The following KCNN2 variants were observed in gnomAD, a reference collection of about 807,000 sequenced individuals.
KCNN2 encodes small conductance calcium-activated potassium channel protein 2.
A neutral mutation model predicts 55.5 loss-of-function variants in KCNN2; 24 were observed. The ratio of observed to expected loss-of-function variants is 0.43; its 90% CI spans 0.31 to 0.61. The LOEUF (loss-of-function observed/expected upper bound fraction) is 0.61. KCNN2 is among the 20% of genes least tolerant of loss of function. KCNN2 has a pLI of 0.08. For missense variants in KCNN2, 754 were observed against 853.6 expected, an observed-to-expected ratio of 0.88 and a Z score of 1.45; for synonymous variants, 431 against 336.1, an observed-to-expected ratio of 1.28 and a Z score of -3.09.
At chr5:114,108,581 T>C (rs1361996660) in intron 1 of KCNN2, among the ~76,000 whole-genome samples, 1 of 152,114 alleles carries the variant, frequency 6.6e-6, no homozygotes, top group East Asian at 1.9e-4. Context: ...GTTTTTCCTT[T>C]TCCTGAACTT....
intron 2 of KCNN2, among the ~76,000 whole-genome samples, chr5:114,387,214 A>G (rs1486471824): frequency 1.3e-5 from 2 of 152,242 alleles, no homozygotes; most frequent in African/African-American, 4.8e-5. Context: ...AGGTCTTACC[A>G]TGTGGGTATT....
chr5:114,173,721 C>T (rs998470462), intron 1 of KCNN2, among the ~76,000 whole-genome samples: 2 of 150,656 alleles, frequency 1.3e-5, no homozygotes, highest in Non-Finnish European at 3.0e-5. Flanking sequence ...TTTGTTAATT[C>T]CTACATATTT....
chr5:114,246,315 T>G (rs1054312187), intron 2 of KCNN2, among the ~76,000 whole-genome samples: 1 of 152,178 alleles, frequency 6.6e-6, no homozygotes, highest in Non-Finnish European at 1.5e-5. Context: ...TGGGTAAAAT[T>G]ATTTGCGATG....
At chr5:114,436,146 C>G (rs919356043) in intron 3 of KCNN2, among the ~76,000 whole-genome samples, 5 of 152,212 alleles carry the variant, frequency 3.3e-5, no homozygotes, top group African/African-American at 1.2e-4. Context: ...CCCTGTAGGT[C>G]ATCATCACCC....
chr5:114,272,382 C>T (rs1236117077), intron 2 of KCNN2, among the ~76,000 whole-genome samples: 1 of 130,330 alleles, frequency 7.7e-6, no homozygotes, highest in African/African-American at 3.8e-5. Context: ...TATGTATGTA[C>T]ATATATACAC....
At chr5:114,180,877 T>C (rs1753224718) in intron 1 of KCNN2, among the ~76,000 whole-genome samples, 1 of 152,210 alleles carries the variant, frequency 6.6e-6, no homozygotes, top group South Asian at 2.1e-4. Flanking sequence ...ATCAAATGGG[T>C]CATACAATTA....
intron 1 of KCNN2, among the ~76,000 whole-genome samples, chr5:114,156,154 T>A (rs569516498): frequency 1.9e-4 from 29 of 152,240 alleles, no homozygotes; most frequent in African/African-American, 6.5e-4. Context: ...TTTGCCATTG[T>A]TTGTTTTTGT....
intron 5 of KCNN2, among the ~76,000 whole-genome samples, chr5:114,483,016 C>T (rs551059732): frequency 6.6e-6 from 1 of 150,802 alleles, no homozygotes; most frequent in South Asian, 2.1e-4. Context: ...GCACATCCTG[C>T]AAATGTACCC....
chr5:114,393,261 A>G (rs1758510870), intron 2 of KCNN2, among the ~76,000 whole-genome samples: 1 of 152,214 alleles, frequency 6.6e-6, no homozygotes, highest in Admixed American at 6.5e-5. Flanking sequence ...TTTGGTTTAA[A>G]GGTTAACCAA....
chr5:114,292,809 C>T (rs1755923913), intron 2 of KCNN2, among the ~76,000 whole-genome samples: 1 of 152,180 alleles, frequency 6.6e-6, no homozygotes, highest in Non-Finnish European at 1.5e-5. Context: ...GATATTGATT[C>T]TTCCTACCCA....
intron 5 of KCNN2, among the ~76,000 whole-genome samples, chr5:114,484,875 A>AATC (rs1384718188): frequency 8.5e-5 from 13 of 152,144 alleles, no homozygotes; most frequent in Non-Finnish European, 1.5e-4. Flanking sequence ...TCAGATGAGG[A>AATC]ATCATTTTCA....
intron 1 of KCNN2, among the ~76,000 whole-genome samples, chr5:114,157,044 G>A (rs1752650525): frequency 6.6e-6 from 1 of 151,352 alleles, no homozygotes; most frequent in African/African-American, 2.4e-5. Flanking sequence ...TAGGGTACAT[G>A]TGCACAATGT....
intron 2 of KCNN2, among the ~76,000 whole-genome samples, chr5:114,305,432 T>C (rs1346154114): frequency 6.6e-6 from 1 of 152,146 alleles, no homozygotes; most frequent in Non-Finnish European, 1.5e-5. Flanking sequence ...GGGATGTATG[T>C]TATCTCTGTG....
intron 3 of KCNN2, among the ~76,000 whole-genome samples, chr5:114,440,110 C>T (rs542655328): frequency 6.6e-6 from 1 of 152,042 alleles, no homozygotes; most frequent in Non-Finnish European, 1.5e-5. Flanking sequence ...TTCTCTGTTT[C>T]TGGAAGTGTA....
chr5:114,154,457 A>G (rs1448832222), intron 1 of KCNN2, among the ~76,000 whole-genome samples: 2 of 152,180 alleles, frequency 1.3e-5, no homozygotes, highest in South Asian at 2.1e-4. Context: ...GATGGAAACC[A>G]GAGACCTCTG....
At chr5:114,156,370 T>A (rs894821874) in intron 1 of KCNN2, among the ~76,000 whole-genome samples, 3 of 152,198 alleles carry the variant, frequency 2.0e-5, no homozygotes, top group African/African-American at 7.2e-5. Context: ...TATGGGCTCT[T>A]TTTTGGTTCC....
At chr5:114,485,653 AT>A (rs1762408033) in intron 5 of KCNN2, among the ~76,000 whole-genome samples, 1 of 151,998 alleles carries the variant, frequency 6.6e-6, no homozygotes, top group Admixed American at 6.6e-5. Flanking sequence ...TGTGTCAATC[AT>A]TTTTCTGTTG....
intron 2 of KCNN2, among the ~76,000 whole-genome samples, chr5:114,224,106 C>A (rs1754197051): frequency 6.6e-6 from 1 of 152,118 alleles, no homozygotes. Flanking sequence ...CTCTCTGGTG[C>A]CCCCTTTTGG....
chr5:114,378,918 G>C (rs1162611849), intron 2 of KCNN2, among the ~76,000 whole-genome samples: 1 of 152,192 alleles, frequency 6.6e-6, no homozygotes, highest in Non-Finnish European at 1.5e-5. Flanking sequence ...AAGCAGTAAA[G>C]AGTGTTTGTT....
Sources: gnomAD v4.1 joint callset for allele counts (sites outside exome capture counted in the v4.1 genomes callset) on GRCh38, gnomAD v4.1.1 for gene constraint, MANE v1.5 for transcripts, NCBI Gene and HGNC (gene_info 2026-07-23, HGNC 2026-07-21) for gene names.